The following HEXB variants were observed in gnomAD, a reference collection of about 807,000 sequenced individuals.
HEXB encodes hexosaminidase subunit beta.
HEXB carries 51 observed loss-of-function variants against 71.2 expected under a neutral mutation model. That is an observed-to-expected ratio of 0.72 (90% CI 0.57 to 0.90). The LOEUF is 0.90. HEXB is among the 40% of genes least tolerant of loss of function. The probability of loss-of-function intolerance (pLI) is 0.00; values close to 1 mark genes in which losing one functional copy is unlikely to be tolerated. For synonymous variants in HEXB, 266 were observed against 249.3 expected (o/e 1.07, Z -0.63); for missense variants, 617 against 677.0 (o/e 0.91, Z 0.98).
rs6875931 is a variant in HEXB at position 74,652,374 on chromosome 5, C to T, written c.-377+11816C>T. 0.025 allele frequency among the ~76,000 whole-genome samples: 3,873 copies of T among 152,266 alleles called. 183 individuals carry two copies. The highest frequency in any genetic ancestry group is 0.089 in the African/African-American group (3,688 of 41,530). The stretch of plus-strand genomic sequence containing the variant: ...CCTAGTGTGTGGGCCTCCTGGCCCA[C>T]GTGTCCAGCAAGCAAGCCACTCCTG... On this transcript the variant is annotated intron_variant, in intron 1 of 13. Transcript: ENST00000511181. The surrounding 1 kb of genome is among the most constrained non-coding windows in gnomAD (Gnocchi z 5.4).
chr5:74,687,674 CT>C (rs1283864584), intron 1 of HEXB, among the ~76,000 whole-genome samples: 4 of 152,050 alleles, frequency 2.6e-5, no homozygotes, highest in South Asian at 2.1e-4. Context: ...GCTTTAATTT[CT>C]TTTTTAAAAA....
intron 11 of HEXB, chr5:74,719,940 C>CAAAAAAAAA (rs71600436): frequency 1.3e-5 from 1 of 79,528 alleles, no homozygotes; most frequent in African/African-American, 5.4e-5. Context: ...GACTCCATCT[C>CAAAAAAAAA]AAAAAAAAAA....
chr5:74,686,228 CTG>C (rs777271937), intron 1 of HEXB, among the ~76,000 whole-genome samples: 3 of 152,190 alleles, frequency 2.0e-5, no homozygotes, highest in Non-Finnish European at 4.4e-5. Context: ...GATAGCGCCT[CTG>C]TCTCTCTCAC....
chr5:74,647,067 T>C (rs1561199422), intron 1 of HEXB, among the ~76,000 whole-genome samples: 1 of 152,216 alleles, frequency 6.6e-6, no homozygotes, highest in Admixed American at 6.5e-5. Flanking sequence ...TGGTAAAAGC[T>C]CACTCAGATC....
Position 74,649,534 on chromosome 5 carries a change from C to T in HEXB, c.-377+8976C>T, listed in dbSNP as rs191398886. ...GCTTAACCACTGAACTACATTGCCTCCTCTATTTTCCTGATTATCTAAGGC... is the reference window on the plus strand; with the variant it reads ...GCTTAACCACTGAACTACATTGCCTTCTCTATTTTCCTGATTATCTAAGGC... On this transcript the variant is annotated intron_variant, in intron 1 of 13. Coordinates refer to the HEXB transcript ENST00000511181. Among the ~76,000 whole-genome samples, 71 of 152,328 alleles carry T rather than the reference C, an allele frequency of 4.7e-4. 1 individual carries two copies. Among genetic ancestry groups the T allele is most frequent in the Admixed American group, 4.4e-3 (67 of 15,306 alleles).
chr5:74,661,219 C>G (rs977074242), intron 1 of HEXB, among the ~76,000 whole-genome samples: 2 of 152,170 alleles, frequency 1.3e-5, no homozygotes, highest in African/African-American at 2.4e-5. Flanking sequence ...ATCACCCTAG[C>G]CTTCCAGAAG....
chr5:74,713,407 A>T, intron 6 of HEXB, 99 bp from the exon 7 acceptor site: 1 of 1,142,636 alleles, frequency 8.8e-7, no homozygotes, highest in Non-Finnish European at 1.3e-6. Context: ...ATAGTGAAAA[A>T]ATTAGCTGTC....
At chr5:74,675,955 A>C (rs1201899006) in intron 1 of HEXB, among the ~76,000 whole-genome samples, 1 of 152,202 alleles carries the variant, frequency 6.6e-6, no homozygotes, top group Non-Finnish European at 1.5e-5. Flanking sequence ...CATGCCTAAC[A>C]GGAAATGTGA....
chr5:74,718,144 C>G lies in HEXB; in HGVS notation c.1170-147C>G, dbSNP rs908586373. 45 of 654,188 alleles carry G rather than the reference C, an allele frequency of 6.9e-5. No homozygotes were observed. In the East Asian group the frequency reaches 1.0e-3, roughly 15 times the overall value. The allele number at this position is 654,188 out of a possible 1,614,324, so 40.5% of individuals were successfully genotyped here. On this transcript the variant is annotated intron_variant, in intron 9 of 13. Coordinates refer to ENST00000261416, the MANE Select transcript of HEXB (RefSeq NM_000521.4). ...AAGGAGGAACTACTTGTGACACTTCCCAACTTGAGCTGCTTCTGCTATAAA... is the reference window on the plus strand; with the variant it reads ...AAGGAGGAACTACTTGTGACACTTCGCAACTTGAGCTGCTTCTGCTATAAA...
chr5:74,671,145 A>AG (rs201641546), intron 1 of HEXB, among the ~76,000 whole-genome samples: 2,972 of 152,274 alleles, frequency 0.02, 103 homozygotes, highest in African/African-American at 0.068. Flanking sequence ...AACTACAGTA[A>AG]GGGACAACAA....
chr5:74,672,870 A>T (rs1446442312), intron 1 of HEXB, among the ~76,000 whole-genome samples: 1 of 152,252 alleles, frequency 6.6e-6, no homozygotes, highest in Non-Finnish European at 1.5e-5. Flanking sequence ...TAAGAGGGGT[A>T]GGAGACATGC....
At position 74,721,097 on chromosome 5, in the gene HEXB, CTT is replaced by C. The variant is rs753474488; in HGVS notation, c.1614-19_1614-18del. 3.2e-6 allele frequency: 5 copies of C among 1,571,928 alleles called. No homozygotes were observed. Among genetic ancestry groups the C allele is most frequent in the African/African-American group, 2.7e-5 (2 of 73,874 alleles). On this transcript the variant is annotated intron_variant, in intron 13 of 13. Coordinates refer to ENST00000261416, the MANE Select transcript of HEXB (RefSeq NM_000521.4). ...ATCAATCTAAATCAATCTAAAATAT[CTT>C]TATTCATGTTATCTACAGACGTGGA...
intron 1 of HEXB, among the ~76,000 whole-genome samples, chr5:74,649,286 G>T (rs1478026250): frequency 6.6e-6 from 1 of 152,188 alleles, no homozygotes; most frequent in Non-Finnish European, 1.5e-5. Context: ...CCAACCCAGT[G>T]CCACTGCCCC....
intron 2 of HEXB, among the ~76,000 whole-genome samples, chr5:74,692,395 TCC>T (rs148184771): frequency 0.022 from 3,353 of 151,028 alleles, 49 homozygotes; most frequent in Middle Eastern, 0.056. Context: ...ATGCCTACAG[TCC>T]CAGCTACTTG....
At chr5:74,685,019 G>T (rs554881159), upstream of HEXB, 33 of 505,440 alleles carry the variant, frequency 6.5e-5, no homozygotes, top group East Asian at 1.0e-3. Flanking sequence ...CGTGTTTGAG[G>T]TTGCTGTCTG....
At chr5:74,714,382 G>C (rs1344601257) in intron 7 of HEXB, among the ~76,000 whole-genome samples, 1 of 152,192 alleles carries the variant, frequency 6.6e-6, no homozygotes, top group Non-Finnish European at 1.5e-5. Context: ...CATGATAAGT[G>C]AATTCAAGAA....
At chr5:74,707,603 TGGAGCTGAAAGCCAAGGC>T (rs1749430753) in intron 6 of HEXB, among the ~76,000 whole-genome samples, 2 of 152,210 alleles carry the variant, frequency 1.3e-5, no homozygotes, top group Non-Finnish European at 2.9e-5. Context: ...AAGGAGCTGA[TGGAGCTGAAAGCCAAGGC>T]TCGAGAACTA....
chr5:74,703,597 C>T (rs1749311917), intron 5 of HEXB, among the ~76,000 whole-genome samples: 1 of 152,112 alleles, frequency 6.6e-6, no homozygotes, highest in Non-Finnish European at 1.5e-5. Context: ...ACACATCTTT[C>T]CCTATTTCTA....
chr5:74,673,763 G>A (rs1470747861), intron 1 of HEXB, among the ~76,000 whole-genome samples: 2 of 152,158 alleles, frequency 1.3e-5, no homozygotes, highest in Non-Finnish European at 2.9e-5. Flanking sequence ...TCTAGAGTTA[G>A]CACCTATAGC....
Sources: gnomAD v4.1 joint callset for allele counts (sites outside exome capture counted in the v4.1 genomes callset) on GRCh38, gnomAD v4.1.1 for gene constraint, Gnocchi (gnomAD v3.1) non-coding constraint, MANE v1.5 for transcripts, NCBI Gene and HGNC (gene_info 2026-07-23, HGNC 2026-07-21) for gene names.